Variants in ITGBL1 observed in about 807,000 individuals in gnomAD.
The protein encoded by ITGBL1 is integrin beta-like protein 1.
In ITGBL1, 51 loss-of-function variants were observed where a neutral mutation model predicts 68.5. The observed-to-expected ratio is 0.74, with a 90% CI of 0.59 to 0.94. ITGBL1 has a LOEUF of 0.94. Ranked by LOEUF, ITGBL1 falls within the 40% of genes least tolerant of loss-of-function variation. The pLI is 0.00. For missense variants in ITGBL1, 649 were observed against 647.4 expected, an observed-to-expected ratio of 1.00 and a Z score of -0.03; for synonymous variants, 209 against 227.3, an observed-to-expected ratio of 0.92 and a Z score of 0.72.
intron 2 of ITGBL1, among the ~76,000 whole-genome samples, chr13:101,517,862 G>A (rs2049221126): frequency 6.6e-6 from 1 of 152,138 alleles, no homozygotes; most frequent in African/African-American, 2.4e-5. Context: ...CTACTTACCT[G>A]TGCCAGCCTT....
intron 7 of ITGBL1, among the ~76,000 whole-genome samples, chr13:101,673,382 G>C (rs2033423983): frequency 6.6e-6 from 1 of 152,130 alleles, no homozygotes; most frequent in Non-Finnish European, 1.5e-5. Context: ...TGCTCATTCT[G>C]TGTTTTAATT....
At chr13:101,717,092 T>C (rs764809095), downstream of ITGBL1, 1 of 152,142 alleles carries the variant, frequency 6.6e-6, no homozygotes, top group Non-Finnish European at 1.5e-5. Flanking sequence ...CGTATTACTT[T>C]AAGATGAAAA....
At chr13:101,642,225 T>C (rs1301143176) in intron 7 of ITGBL1, among the ~76,000 whole-genome samples, 5 of 152,116 alleles carry the variant, frequency 3.3e-5, no homozygotes. Context: ...CCAGCACTTG[T>C]TGTTTCCTGA....
intron 2 of ITGBL1, among the ~76,000 whole-genome samples, chr13:101,482,030 A>C (rs1200392532): frequency 6.6e-6 from 1 of 152,162 alleles, no homozygotes; most frequent in Non-Finnish European, 1.5e-5. Flanking sequence ...GACAGTCTGA[A>C]GGTAGAAAGT....
At chr13:101,624,365 C>A (rs2031697201) in intron 7 of ITGBL1, among the ~76,000 whole-genome samples, 1 of 152,108 alleles carries the variant, frequency 6.6e-6, no homozygotes, top group Non-Finnish European at 1.5e-5. Context: ...TTTTATGCCC[C>A]AATAACTACA....
chr13:101,533,528 G>A (rs938993175), intron 2 of ITGBL1, among the ~76,000 whole-genome samples: 1 of 152,146 alleles, frequency 6.6e-6, no homozygotes, highest in Non-Finnish European at 1.5e-5. Context: ...ATTGAGATAC[G>A]TAATCCTTCA....
At chr13:101,507,251 G>A (rs992000914) in intron 2 of ITGBL1, among the ~76,000 whole-genome samples, 3 of 152,202 alleles carry the variant, frequency 2.0e-5, no homozygotes, top group African/African-American at 4.8e-5. Flanking sequence ...CATGAGGGCA[G>A]GAGGACAGCC....
intron 8 of ITGBL1, among the ~76,000 whole-genome samples, chr13:101,706,361 A>G (rs1288664482): frequency 6.6e-6 from 1 of 152,226 alleles, no homozygotes; most frequent in Non-Finnish European, 1.5e-5. Context: ...AGAACAATCA[A>G]TAAATACTGC....
intron 2 of ITGBL1, among the ~76,000 whole-genome samples, chr13:101,526,157 T>TC (rs36186317): frequency 1.6e-4 from 24 of 145,866 alleles, no homozygotes; most frequent in African/African-American, 4.5e-4. Context: ...TTCTTCTTCT[T>TC]TTTTTTTTTT....
chr13:101,525,932 A>T (rs1470191811), intron 2 of ITGBL1, among the ~76,000 whole-genome samples: 1 of 152,042 alleles, frequency 6.6e-6, no homozygotes, highest in East Asian at 1.9e-4. Flanking sequence ...ATATCAGTGA[A>T]TCATAAATTT....
chr13:101,553,758 T>G (rs2049958880), intron 2 of ITGBL1, among the ~76,000 whole-genome samples: 1 of 151,600 alleles, frequency 6.6e-6, no homozygotes, highest in African/African-American at 2.4e-5. Flanking sequence ...ATTCTCGGTG[T>G]GCCTGCCGCT....
At chr13:101,498,838 A>T (rs2048896478) in intron 2 of ITGBL1, among the ~76,000 whole-genome samples, 1 of 152,200 alleles carries the variant, frequency 6.6e-6, no homozygotes, top group Non-Finnish European at 1.5e-5. Flanking sequence ...ACAGAGAAAC[A>T]GATTTCATGG....
At chr13:101,510,551 T>C (rs2049099533) in intron 2 of ITGBL1, among the ~76,000 whole-genome samples, 1 of 152,146 alleles carries the variant, frequency 6.6e-6, no homozygotes, top group African/African-American at 2.4e-5. Flanking sequence ...AGCTCTGTTT[T>C]AAGTTCTTTG....
chr13:101,637,606 G>A (rs910656468), intron 7 of ITGBL1, among the ~76,000 whole-genome samples: 1 of 152,170 alleles, frequency 6.6e-6, no homozygotes, highest in South Asian at 2.1e-4. Flanking sequence ...GCCTCCCAAA[G>A]TGCTGGGATT....
intron 2 of ITGBL1, among the ~76,000 whole-genome samples, chr13:101,511,761 T>G (rs78393577): frequency 0.01 from 1,562 of 152,246 alleles, 24 homozygotes; most frequent in African/African-American, 0.035. Flanking sequence ...CAGATGAGAA[T>G]GCAGCCAGAC....
chr13:101,606,110 CTCTA>C (rs376605845), intron 7 of ITGBL1, among the ~76,000 whole-genome samples: 10,869 of 138,190 alleles, frequency 0.079, 636 homozygotes, highest in East Asian at 0.18. Flanking sequence ...CTCTCTCTCT[CTCTA>C]TATATATATA....
chr13:101,631,992 A>C (rs754224903), intron 7 of ITGBL1, among the ~76,000 whole-genome samples: 14 of 152,076 alleles, frequency 9.2e-5, no homozygotes, highest in South Asian at 2.1e-4. Flanking sequence ...TGGGTTGATG[A>C]AGATTTATAT....
intron 7 of ITGBL1, among the ~76,000 whole-genome samples, chr13:101,604,403 T>C (rs2030568390): frequency 6.6e-6 from 1 of 151,970 alleles, no homozygotes; most frequent in African/African-American, 2.4e-5. Context: ...TGTATAGAAT[T>C]ATGATTTTTA....
chr13:101,460,196 C>T (rs987334830), intron 2 of ITGBL1, among the ~76,000 whole-genome samples: 1 of 152,158 alleles, frequency 6.6e-6, no homozygotes, highest in African/African-American at 2.4e-5. Flanking sequence ...CGCCCCCTCT[C>T]TTTCGCAAAA....
Sources: gnomAD v4.1 joint callset for allele counts (sites outside exome capture counted in the v4.1 genomes callset) on GRCh38, gnomAD v4.1.1 for gene constraint, MANE v1.5 for transcripts, NCBI Gene and HGNC (gene_info 2026-07-23, HGNC 2026-07-21) for gene names.